The following MALRD1 variants were observed in gnomAD, a reference collection of about 807,000 sequenced individuals.
The protein encoded by MALRD1 is MAM and LDL-receptor class A domain-containing protein 1.
In MALRD1, 247 loss-of-function variants were observed where a neutral mutation model predicts 242.1. The ratio of observed to expected loss-of-function variants is 1.02; its 90% confidence interval spans 0.92 to 1.13. The LOEUF (loss-of-function observed/expected upper bound fraction) is 1.13, where lower values mean the gene tolerates loss of function less well. MALRD1 is among the 50% of genes most tolerant of loss of function. The probability of loss-of-function intolerance (pLI) is 0.00; values close to 1 mark genes in which losing one functional copy is unlikely to be tolerated. For synonymous variants in MALRD1, 995 were observed against 866.6 expected (o/e 1.15, Z -2.60); for missense variants, 2,989 against 2,533.1 (o/e 1.18, Z -3.86).
intron 21 of MALRD1, among the ~76,000 whole-genome samples, chr10:19,320,269 G>A (rs1244421356): frequency 6.6e-6 from 1 of 151,692 alleles, no homozygotes; most frequent in African/African-American, 2.4e-5. Context: ...CCCTTCCTGT[G>A]TCCATGTGTT....
At chr10:19,322,531 A>G (rs1446151503) in intron 21 of MALRD1, among the ~76,000 whole-genome samples, 2 of 152,182 alleles carry the variant, frequency 1.3e-5, no homozygotes, top group African/African-American at 4.8e-5. Flanking sequence ...CCATACATGG[A>G]ACTGTCTCAT....
chr10:19,295,236 A>G (rs566352957), intron 21 of MALRD1, among the ~76,000 whole-genome samples: 1 of 152,082 alleles, frequency 6.6e-6, no homozygotes, highest in East Asian at 1.9e-4. Context: ...ATTATTCGTA[A>G]TTTAGACATT....
At chr10:19,520,450 C>G (rs1311246709) in intron 31 of MALRD1, among the ~76,000 whole-genome samples, 1 of 152,104 alleles carries the variant, frequency 6.6e-6, no homozygotes, top group East Asian at 1.9e-4. Flanking sequence ...TTTCTACTTT[C>G]TCCTTGTCTC....
chr10:19,535,404 A>C (rs969482320), intron 32 of MALRD1, among the ~76,000 whole-genome samples: 1 of 151,930 alleles, frequency 6.6e-6, no homozygotes, highest in South Asian at 2.1e-4. Flanking sequence ...GCAATTTTTT[A>C]AAAAAATCAG....
At position 19,663,753 on chromosome 10, in the gene MALRD1, G is replaced by A. The variant is rs562630560; in HGVS notation, c.6138-28529G>A. 2.0e-5 allele frequency among the ~76,000 whole-genome samples: 3 copies of A among 152,128 alleles called. No individual in the cohort carries two copies. The South Asian group carries it at 6.2e-4, about 32-fold the overall frequency. ...CTGGGAAACAGGTGAACTGCTTTCAGACCATTTCAGAATAATTCACTTGTT... is the reference window on the plus strand; with the variant it reads ...CTGGGAAACAGGTGAACTGCTTTCAAACCATTTCAGAATAATTCACTTGTT... On this transcript the variant is annotated intron_variant, in intron 36 of 39. Transcript: ENST00000454679.
chr10:19,562,297 GTAGATAGATAGATAGA>G (rs78473002), intron 32 of MALRD1, among the ~76,000 whole-genome samples: 1,527 of 144,766 alleles, frequency 0.011, 29 homozygotes, highest in African/African-American at 0.036. Context: ...GCTGTCTTAG[GTAGATAGATAGATAGA>G]TAGATAGATA....
At chr10:19,700,789 T>G (rs755024448) in intron 38 of MALRD1, among the ~76,000 whole-genome samples, 14 of 152,130 alleles carry the variant, frequency 9.2e-5, no homozygotes, top group Non-Finnish European at 2.1e-4. Context: ...GTCTTAGTGA[T>G]CTTTTGAGTC....
In MALRD1 at chr10:19,504,021, C is replaced by T. The variant is rs547330284; in HGVS notation, c.5320+5375C>T. Among the ~76,000 whole-genome samples, 321 of 152,238 alleles carry T rather than the reference C, an allele frequency of 2.1e-3. 2 individuals are homozygous for T. The highest frequency in any genetic ancestry group is 7.5e-3 in the African/African-American group (312 of 41,544). ...CACCACTCAAGGTCAGAAAACACCCCCAAATAATCTTAGCAAGCTAATGCT... is the reference window on the plus strand; with the variant it reads ...CACCACTCAAGGTCAGAAAACACCCTCAAATAATCTTAGCAAGCTAATGCT... On this transcript the variant is annotated intron_variant, in intron 31 of 39. Transcript: ENST00000454679.
intron 5 of MALRD1, among the ~76,000 whole-genome samples, chr10:19,119,977 G>A (rs1837004135): frequency 6.6e-6 from 1 of 152,140 alleles, no homozygotes; most frequent in Non-Finnish European, 1.5e-5. Context: ...ACCTATTTCT[G>A]TGACCCGAGG....
chr10:19,680,334 C>T (rs1842313452), intron 36 of MALRD1, among the ~76,000 whole-genome samples: 1 of 146,632 alleles, frequency 6.8e-6, no homozygotes, highest in Non-Finnish European at 1.5e-5. Context: ...GTATTGGGTA[C>T]ATATATATTT....
chr10:19,480,896 C>G (rs1288152898), intron 29 of MALRD1, among the ~76,000 whole-genome samples: 1 of 151,890 alleles, frequency 6.6e-6, no homozygotes, highest in Non-Finnish European at 1.5e-5. Context: ...TAGGCATAAC[C>G]TAGGGTTCAG....
intron 10 of MALRD1, among the ~76,000 whole-genome samples, chr10:19,143,628 T>C (rs1833625309): frequency 6.6e-6 from 1 of 152,202 alleles, no homozygotes; most frequent in South Asian, 2.1e-4. Context: ...ACTCTACTCA[T>C]GAAAGATTTT....
At chr10:19,285,079 G>A (rs1319015498) in intron 21 of MALRD1, among the ~76,000 whole-genome samples, 14 of 129,376 alleles carry the variant, frequency 1.1e-4, no homozygotes, top group Middle Eastern at 3.5e-3. Flanking sequence ...CATGTCCTTC[G>A]CCCACTTTTT....
rs1238038190 is a variant in MALRD1, at chr10:19,387,778, G to A, written c.4687+5G>A. ...ACACACTTGGAAATGAAAATGGTAG[G>A]TTATTAGATTGTTGTAATTGCTTTC... On this transcript the variant is annotated splice_donor_5th_base_variant and intron_variant, in intron 27 of 39. Coordinates refer to ENST00000454679, the MANE Select transcript of MALRD1 (RefSeq NM_001142308.3). 1.3e-6 allele frequency: 2 copies of A among 1,543,010 alleles called. No individual in the cohort carries two copies. Among genetic ancestry groups the A allele is most frequent in the Non-Finnish European group, 1.7e-6 (2 of 1,144,304 alleles).
At chr10:19,176,917 CAT>C (rs531835720) in intron 14 of MALRD1, among the ~76,000 whole-genome samples, 132 of 151,810 alleles carry the variant, frequency 8.7e-4, no homozygotes, top group African/African-American at 3.0e-3. Flanking sequence ...TGTCTGTGCA[CAT>C]GTGTGTATGA....
intron 18 of MALRD1, among the ~76,000 whole-genome samples, chr10:19,229,695 C>G (rs927058195): frequency 1.2e-4 from 18 of 152,118 alleles, no homozygotes; most frequent in African/African-American, 4.3e-4. Context: ...AGAAAACAAA[C>G]TATAACAACA....
intron 28 of MALRD1, among the ~76,000 whole-genome samples, chr10:19,419,839 G>A (rs933346544): frequency 1.6e-4 from 24 of 151,936 alleles, no homozygotes; most frequent in Non-Finnish European, 3.1e-4. Flanking sequence ...TTAGAACCAG[G>A]CATGATAAAT....
rs796277759 is a variant in MALRD1 at position 19,165,759 on chromosome 10, C to T, written c.1779C>T (p.His593=). ...IIRFSESQWS[H]AKIDLIAEAG... is the part of the protein sequence containing the mutation. Reference sequence around the variant, plus strand: ...GATTCTCCGAATCTCAGTGGAGCCACGCAAAAATTGATCTCATTGCAGAAG... The same window carrying T: ...GATTCTCCGAATCTCAGTGGAGCCATGCAAAAATTGATCTCATTGCAGAAG... The change falls in exon 13 of 40, where the codon CAC becomes CAT. Residue 593 remains histidine, a synonymous_variant. Coordinates refer to ENST00000454679, the MANE Select transcript of MALRD1 (RefSeq NM_001142308.3). 2.9e-4 allele frequency: 355 copies of T among 1,231,606 alleles called. No individual in the cohort carries two copies. Among genetic ancestry groups the T allele is most frequent in the South Asian group, 8.6e-4 (21 of 24,316 alleles). The allele number at this position is 1,231,606 out of a possible 1,614,324, so 76.3% of individuals were successfully genotyped here.
At position 19,517,917 on chromosome 10, in the gene MALRD1, A is replaced by G. The variant is rs932293932; in HGVS notation, c.5321-13277A>G. Among the ~76,000 whole-genome samples, 6 of 152,352 alleles carry G rather than the reference A, an allele frequency of 3.9e-5. No homozygotes were observed. In the South Asian group the frequency reaches 6.2e-4, roughly 16 times the overall value. ...TTCTGACACCAAACTGTTAATTCAG[A>G]CAAATTAAATTTAGCAGAGTTTATT... On this transcript the variant is annotated intron_variant, in intron 31 of 39. Coordinates refer to ENST00000454679, the MANE Select transcript of MALRD1 (RefSeq NM_001142308.3).
Sources: allele counts gnomAD v4.1 joint callset (sites outside exome capture counted in the v4.1 genomes callset), GRCh38; gene constraint gnomAD v4.1.1; transcripts MANE v1.5; gene names NCBI Gene and HGNC (gene_info 2026-07-23, HGNC 2026-07-21).